Variants in IRAG2 observed in about 807,000 individuals in gnomAD.
IRAG2 encodes the protein inositol 1,4,5-triphosphate receptor associated 2, also known as lymphoid restricted membrane protein.
Under a neutral mutation model 69.9 loss-of-function variants are expected in IRAG2, and 45 were observed. That is an observed-to-expected ratio of 0.64 (90% confidence interval 0.51 to 0.83). IRAG2 has a LOEUF of 0.83. IRAG2 is among the 40% of genes least tolerant of loss of function. The pLI, the probability that IRAG2 is intolerant of heterozygous loss-of-function variation, is 0.00. For missense variants in IRAG2, 520 were observed against 587.0 expected, an observed-to-expected ratio of 0.89 and a Z score of 1.18; for synonymous variants, 193 against 202.4, an observed-to-expected ratio of 0.95 and a Z score of 0.40.
chr12:25,020,093 G>A (rs1438593936), intron 6 of IRAG2, among the ~76,000 whole-genome samples: 1 of 152,186 alleles, frequency 6.6e-6, no homozygotes, highest in Non-Finnish European at 1.5e-5. Flanking sequence ...AATGATCAAT[G>A]TAATTTCTTA....
At chr12:25,016,968 T>C (rs1022993060) in intron 5 of IRAG2, among the ~76,000 whole-genome samples, 3 of 152,014 alleles carry the variant, frequency 2.0e-5, no homozygotes, top group African/African-American at 7.3e-5. Flanking sequence ...TCTGAATAGC[T>C]ATTTATTATA....
intron 1 of IRAG2, 118 bp downstream of exon 1, chr12:25,053,074 A>G (rs2139886971): frequency 2.5e-6 from 1 of 395,978 alleles, no homozygotes; most frequent in Non-Finnish European, 4.4e-6. Context: ...ATGACAATGA[A>G]ATGGTTTGAG....
At chr12:25,046,135 G>A (rs914653043) in intron 16 of IRAG2, among the ~76,000 whole-genome samples, 14 of 151,968 alleles carry the variant, frequency 9.2e-5, no homozygotes, top group Admixed American at 7.9e-4. Flanking sequence ...CATCTCTATA[G>A]GTGCAGAAAA....
At chr12:25,032,981 G>T (rs1361815356) in intron 12 of IRAG2, among the ~76,000 whole-genome samples, 4 of 148,204 alleles carry the variant, frequency 2.7e-5, no homozygotes, top group African/African-American at 1.0e-4. Flanking sequence ...TTTGGAGGTG[G>T]AGTCTTGCTC....
Position 25,103,840 on chromosome 12 carries a change from T to C in IRAG2, c.937T>C (p.Ser313Pro). ...TACATTTTCCTCCTTCTGGTAGCCA[T>C]CTTCTCTACGAAGAGTGACTATTGC... ...KRSASLNSKP[S>P]SLRRVTIASL... The change falls in exon 18 of 22, where the codon TCT (serine) becomes CCT (proline). Residue 313 changes from serine (S) to proline (P), a missense_variant. Physicochemically the swap from Ser to Pro is moderately conservative, Grantham distance 74 (BLOSUM62 -1). Coordinates refer to ENST00000556887, the MANE Select transcript of IRAG2 (RefSeq NM_001366544.2). The C allele has an allele frequency of 1.9e-6, 3 of 1,610,582 alleles. No individual in the cohort carries two copies. The highest frequency in any genetic ancestry group is 2.5e-6 in the Non-Finnish European group (3 of 1,177,250).
intron 8 of IRAG2, chr12:25,023,994 T>A: frequency 1.2e-6 from 1 of 848,650 alleles, no homozygotes; most frequent in Non-Finnish European, 1.6e-6. Context: ...GGCTGTGGGT[T>A]AAATAAAAAT....
At chr12:25,083,646 A>G (rs1267731873) in intron 10 of IRAG2, among the ~76,000 whole-genome samples, 153 bp downstream of exon 10, 1 of 152,240 alleles carries the variant, frequency 6.6e-6, no homozygotes, top group Non-Finnish European at 1.5e-5. Context: ...TAGGCAAAGT[A>G]GTTGAGGCCA....
chr12:25,000,305 G>A (rs1944382152), upstream of IRAG2, among the ~76,000 whole-genome samples: 2 of 152,150 alleles, frequency 1.3e-5, no homozygotes, highest in African/African-American at 4.8e-5. Flanking sequence ...AGATTAGCTG[G>A]GCATAGTGGC....
chr12:25,039,904 A>G (rs976729187), intron 16 of IRAG2, among the ~76,000 whole-genome samples: 5 of 152,188 alleles, frequency 3.3e-5, no homozygotes, highest in African/African-American at 4.8e-5. Flanking sequence ...TAAGAATCTG[A>G]CATATATTTA....
In IRAG2 at chr12:25,077,374, T is replaced by TATATATATATGATATATATATGAA. The variant is rs1555139257; in HGVS notation, c.25-1862_25-1861insATGATATATATATGAAATATATAT. On this transcript the variant is annotated intron_variant, in intron 6 of 21. Coordinates refer to ENST00000556887, the MANE Select transcript of IRAG2 (RefSeq NM_001366544.2). ...TATGATATATATGATATATATGAAATATATATATGATATATATATGAAATA... is the reference window on the plus strand; with the variant it reads ...TATGATATATATGATATATATGAAATATATATATATGATATATATATGAAATATATATGATATATATATGAAATA... Among the ~76,000 whole-genome samples the TATATATATATGATATATATATGAA allele has an allele frequency of 1.8e-3, 108 of 61,624 alleles. 15 individuals carry two copies. The highest frequency in any genetic ancestry group is 6.1e-3 in the African/African-American group (99 of 16,192). The allele number at this position is 61,624 out of a possible 152,430, so 40.4% of individuals were successfully genotyped here. A position where few individuals can be genotyped will look rare whatever the true frequency, so the allele number is the denominator to read the frequency against.
intron 1 of IRAG2, among the ~76,000 whole-genome samples, chr12:25,053,504 A>C (rs547553342): frequency 6.6e-6 from 1 of 152,206 alleles, no homozygotes; most frequent in South Asian, 2.1e-4. Flanking sequence ...TTTGCATTTT[A>C]AAAATTGGAA....
At chr12:25,005,229 T>G in intron 1 of IRAG2, 1 of 1,186,990 alleles carries the variant, frequency 8.4e-7, no homozygotes, top group Non-Finnish European at 1.1e-6. Context: ...TACAAACTTT[T>G]TCTTCTAATA....
intron 12 of IRAG2, chr12:25,033,656 A>G: frequency 2.6e-6 from 1 of 377,998 alleles, no homozygotes; most frequent in East Asian, 3.7e-5. Flanking sequence ...ATGACCTCCT[A>G]GACTCACCAG....
At chr12:25,087,180 T>TTTTTG (rs1450270058) in intron 10 of IRAG2, among the ~76,000 whole-genome samples, 2 of 125,170 alleles carry the variant, frequency 1.6e-5, no homozygotes, top group East Asian at 2.5e-4. Context: ...TTTTTTTTTT[T>TTTTTG]TTGTTGAGAC....
At chr12:25,077,791 A>T (rs1262890321) in intron 6 of IRAG2, among the ~76,000 whole-genome samples, 1 of 152,206 alleles carries the variant, frequency 6.6e-6, no homozygotes, top group East Asian at 1.9e-4. Context: ...AACTGACCCA[A>T]AGTCACTTAA....
chr12:25,015,546 A>G, intron 5 of IRAG2: 2 of 534,450 alleles, frequency 3.7e-6, no homozygotes, highest in Non-Finnish European at 5.7e-6. Context: ...CAGTAGAGCT[A>G]GCATAACTGA....
chr12:25,015,577 C>T lies in IRAG2; in HGVS notation c.1055+149C>T, dbSNP rs1944520954. The T allele has an allele frequency of 6.8e-6, 3 of 442,434 alleles. No homozygotes were observed. The East Asian group carries it at 1.1e-4, about 16-fold the overall frequency. 27.4% of individuals were successfully genotyped at this position (442,434 alleles called of 1,614,324 possible). ...ACTGATTTTAAATTCTTCACTGATTCTAATAATGCCTGCATTAGAAACAGT... is the reference window on the plus strand; with the variant it reads ...ACTGATTTTAAATTCTTCACTGATTTTAATAATGCCTGCATTAGAAACAGT... On this transcript the variant is annotated intron_variant, in intron 5 of 38. Coordinates refer to the IRAG2 transcript ENST00000636465.
chr12:25,000,155 A>G (rs1213937337), upstream of IRAG2, among the ~76,000 whole-genome samples: 1 of 152,200 alleles, frequency 6.6e-6, no homozygotes, highest in African/African-American at 2.4e-5. Flanking sequence ...TATTAAAACT[A>G]CTTTAATATA....
chr12:25,075,531 T>TGA (rs1467387709), intron 6 of IRAG2, among the ~76,000 whole-genome samples: 1 of 143,778 alleles, frequency 7.0e-6, no homozygotes, highest in Non-Finnish European at 1.5e-5. Context: ...CGTGTGTGTG[T>TGA]GTGTGTGTGT....
Sources: allele counts gnomAD v4.1 joint callset (sites outside exome capture counted in the v4.1 genomes callset), GRCh38; gene constraint gnomAD v4.1.1; transcripts MANE v1.5; gene names NCBI Gene and HGNC (gene_info 2026-07-23, HGNC 2026-07-21).